The following PAM variants were observed in gnomAD, a reference collection of about 807,000 sequenced individuals.
PAM encodes peptidylglycine alpha-amidating monooxygenase.
PAM carries 72 observed loss-of-function variants against 122.1 expected under a neutral mutation model. The ratio of observed to expected loss-of-function variants is 0.59; its 90% CI spans 0.49 to 0.72. The LOEUF (loss-of-function observed/expected upper bound fraction) is 0.72, where lower values mean the gene tolerates loss of function less well. Ranked by LOEUF, PAM falls within the 30% of genes least tolerant of loss-of-function variation. The pLI is 0.00. For missense variants in PAM, 1,106 were observed against 1,183.7 expected (o/e 0.93, Z 0.96); for synonymous variants, 389 against 404.4 (o/e 0.96, Z 0.46).
chr5:102,772,111 A>G (rs1755954287), intron 1 of PAM, among the ~76,000 whole-genome samples: 1 of 152,114 alleles, frequency 6.6e-6, no homozygotes, highest in African/African-American at 2.4e-5. Context: ...CCTTTTTGAA[A>G]CAGGGATGTA....
At chr5:102,824,865 C>G (rs926102754) in intron 1 of PAM, among the ~76,000 whole-genome samples, 12 of 152,118 alleles carry the variant, frequency 7.9e-5, no homozygotes, top group African/African-American at 2.9e-4. Context: ...TTATAAACCA[C>G]ATAGTTAGCA....
intron 7 of PAM, among the ~76,000 whole-genome samples, chr5:102,927,037 A>C (rs903917622): frequency 6.6e-6 from 1 of 150,684 alleles, no homozygotes; most frequent in African/African-American, 2.5e-5. Context: ...GCTCTGAGCA[A>C]GCCACCGAGA....
At chr5:103,023,777 C>T (rs951278562) in intron 23 of PAM, among the ~76,000 whole-genome samples, 4 of 151,990 alleles carry the variant, frequency 2.6e-5, no homozygotes, top group Admixed American at 6.6e-5. Context: ...TACTCATGAG[C>T]TTGGTGTGAT....
chr5:102,925,539 G>T (rs183274988), intron 6 of PAM, among the ~76,000 whole-genome samples: 14 of 152,248 alleles, frequency 9.2e-5, no homozygotes, highest in African/African-American at 2.6e-4. Flanking sequence ...TTCTTAAAGG[G>T]TGTGTGTGGG....
chr5:102,825,334 T>A (rs1051045080), intron 1 of PAM, among the ~76,000 whole-genome samples: 1 of 152,200 alleles, frequency 6.6e-6, no homozygotes, highest in African/African-American at 2.4e-5. Flanking sequence ...CTAAAAAATT[T>A]ATCTTTGGGT....
In PAM at chr5:102,961,203, G is replaced by GAGA. The variant is rs747327280; in HGVS notation, c.1148_1150dup (p.Glu383dup). The GAGA allele has an allele frequency of 1.9e-6, 3 of 1,577,808 alleles. No individual in the cohort carries two copies. Among genetic ancestry groups the GAGA allele is most frequent in the Non-Finnish European group, 1.7e-6 (2 of 1,147,902 alleles). Reference sequence around the variant, plus strand: ...ATTCCTTTACTACAGCAGCCAAAACGAGAAGAAGAAGAAGTGTTAGACCAG... The same window carrying GAGA: ...ATTCCTTTACTACAGCAGCCAAAACGAGAAGAAGAAGAAGAAGTGTTAGACCAG... On this transcript the variant is annotated inframe_insertion, in exon 14 of 26. Transcript: ENST00000438793.
At chr5:102,954,035 A>C (rs1428834383) in intron 12 of PAM, among the ~76,000 whole-genome samples, 1 of 152,094 alleles carries the variant, frequency 6.6e-6, no homozygotes, top group East Asian at 1.9e-4. Context: ...TCTCCGTCTC[A>C]AAATAAAAAA....
rs747626208 is a variant in PAM at position 102,949,538 on chromosome 5, G to A, written c.645G>A (p.Val215=). Residue 215 remains valine (V), a splice_region_variant and synonymous_variant, in exon 10 of 26, where the codon GTG becomes GTA. Coordinates refer to ENST00000438793, the MANE Select transcript of PAM (RefSeq NM_001177306.2). ...TGTCTGTGTTTTCATTTCCCACAGT[G>A]GTGAATTCTGACATTTCATGCCATT... The part of the protein sequence containing the change: ...VDTVIPAGEK[V]VNSDISCHYK... 8 of 1,468,892 alleles carry A rather than the reference G, an allele frequency of 5.4e-6. No homozygotes were observed. The highest frequency in any genetic ancestry group is 7.6e-6 in the Non-Finnish European group (8 of 1,047,950). 91.0% of individuals were successfully genotyped at this position (1,468,892 alleles called of 1,614,324 possible).
chr5:102,776,111 A>T (rs983772016), intron 1 of PAM, among the ~76,000 whole-genome samples: 4 of 151,940 alleles, frequency 2.6e-5, no homozygotes, highest in Admixed American at 2.6e-4. Flanking sequence ...GCTTTTTTTC[A>T]TATGTTTGTT....
At chr5:102,986,748 T>C (rs997615677) in intron 15 of PAM, among the ~76,000 whole-genome samples, 2 of 152,132 alleles carry the variant, frequency 1.3e-5, no homozygotes, top group African/African-American at 4.8e-5. Flanking sequence ...TGGGACGTAA[T>C]TGAATCATGG....
intron 1 of PAM, among the ~76,000 whole-genome samples, chr5:102,824,749 C>T (rs1005405848): frequency 1.3e-5 from 2 of 150,300 alleles, no homozygotes; most frequent in Non-Finnish European, 3.0e-5. Flanking sequence ...GACAGTGTTT[C>T]CTAATTAGTT....
intron 1 of PAM, among the ~76,000 whole-genome samples, chr5:102,826,725 C>G (rs1021457020): frequency 5.3e-5 from 8 of 152,244 alleles, no homozygotes; most frequent in African/African-American, 1.9e-4. Context: ...TCTTATGCTC[C>G]TTGACAGGTC....
chr5:102,796,752 C>T (rs1170059579), intron 1 of PAM, among the ~76,000 whole-genome samples: 1 of 152,168 alleles, frequency 6.6e-6, no homozygotes, highest in Non-Finnish European at 1.5e-5. Flanking sequence ...AAATAGTCAT[C>T]TGCTATCTGT....
chr5:102,778,176 G>A (rs898308515), intron 1 of PAM, among the ~76,000 whole-genome samples: 1 of 152,070 alleles, frequency 6.6e-6, no homozygotes, highest in Non-Finnish European at 1.5e-5. Flanking sequence ...CTCCCCACAT[G>A]TATTTTTTTG....
chr5:102,786,216 G>A (rs1760483088), intron 1 of PAM, among the ~76,000 whole-genome samples: 2 of 152,186 alleles, frequency 1.3e-5, no homozygotes, highest in Non-Finnish European at 2.9e-5. Context: ...CACAGATCCT[G>A]GAGCCAGACT....
rs529627454 is a variant in PAM at position 102,967,522 on chromosome 5, G to C, written c.1162+6293G>C. Among the ~76,000 whole-genome samples, 353 of 152,222 alleles carry C rather than the reference G, an allele frequency of 2.3e-3. 1 individual carries two copies. The highest frequency in any genetic ancestry group is 5.8e-3 in the Admixed American group (88 of 15,274). ...GCTTATTGAGTATCTGCTAGGATAG[G>C]GAAAGTACTAATCTCTGGAACTATG... is the stretch of plus-strand genomic sequence containing the variant. On this transcript the variant is annotated intron_variant, in intron 14 of 25. Coordinates refer to ENST00000438793, the MANE Select transcript of PAM (RefSeq NM_001177306.2).
Position 102,926,127 on chromosome 5 carries a change from G to A in PAM, c.443-458G>A, listed in dbSNP as rs140745639. On this transcript the variant is annotated intron_variant, in intron 6 of 25. Coordinates refer to ENST00000438793, the MANE Select transcript of PAM (RefSeq NM_001177306.2). The stretch of plus-strand genomic sequence containing the variant: ...TTTTGAGACGGAGTCTCGCTCTGTC[G>A]CCCAGGCCGGACTGCGGACTGCAGT... 7.6e-4 allele frequency among the ~76,000 whole-genome samples: 116 copies of A among 151,670 alleles called. No individual in the cohort carries two copies. In the East Asian group the frequency reaches 0.015, roughly 19 times the overall value.
Position 102,922,602 on chromosome 5 carries a change from T to G in PAM, c.357-2355T>G, listed in dbSNP as rs113035798. Among the ~76,000 whole-genome samples the G allele has an allele frequency of 5.1e-3, 774 of 152,328 alleles. 7 individuals carry two copies. Among genetic ancestry groups the G allele is most frequent in the African/African-American group, 0.018 (741 of 41,562 alleles). ...CAAATGACATAATCAAATGTATAACTTAGAAAAAGTTACTAAGCCAGTTTT... is the reference window on the plus strand; with the variant it reads ...CAAATGACATAATCAAATGTATAACGTAGAAAAAGTTACTAAGCCAGTTTT... On this transcript the variant is annotated intron_variant, in intron 5 of 25. Coordinates refer to ENST00000438793, the MANE Select transcript of PAM (RefSeq NM_001177306.2).
chr5:102,929,010 C>T (rs1750540543), intron 7 of PAM, among the ~76,000 whole-genome samples: 1 of 151,852 alleles, frequency 6.6e-6, no homozygotes, highest in Non-Finnish European at 1.5e-5. Flanking sequence ...ATATAAAATT[C>T]ATGTATGCTT....
Sources: allele counts gnomAD v4.1 joint callset (sites outside exome capture counted in the v4.1 genomes callset), GRCh38; gene constraint gnomAD v4.1.1; transcripts MANE v1.5; gene names NCBI Gene and HGNC (gene_info 2026-07-23, HGNC 2026-07-21).